The following HEATR3 variants were observed in gnomAD, a reference collection of about 807,000 sequenced individuals.
HEATR3 encodes HEAT repeat containing 3.
In HEATR3, 56 loss-of-function variants were observed where a neutral mutation model predicts 72.8. The ratio of observed to expected loss-of-function variants is 0.77; its 90% confidence interval spans 0.62 to 0.96. The LOEUF (loss-of-function observed/expected upper bound fraction) is 0.96. Ranked by LOEUF, HEATR3 falls within the 40% of genes least tolerant of loss-of-function variation. The probability of loss-of-function intolerance (pLI) is 0.00; values close to 1 mark genes in which losing one functional copy is unlikely to be tolerated. For synonymous variants in HEATR3, 331 were observed against 318.1 expected (o/e 1.04, Z -0.43); for missense variants, 747 against 831.4 (o/e 0.90, Z 1.25).
intron 11 of HEATR3, among the ~76,000 whole-genome samples, 184 bp downstream of exon 11, chr16:50,086,535 T>C (rs1342334927): frequency 1.3e-5 from 2 of 152,210 alleles, no homozygotes; most frequent in Non-Finnish European, 2.9e-5. Flanking sequence ...AAGCAGCTCC[T>C]GGGCTTATAA....
chr16:50,096,563 C>G (rs1266444210), intron 12 of HEATR3, among the ~76,000 whole-genome samples: 1 of 152,140 alleles, frequency 6.6e-6, no homozygotes, highest in African/African-American at 2.4e-5. Context: ...CTTTGGGAGG[C>G]CAAGGCCAGT....
At chr16:50,084,460 A>G in intron 9 of HEATR3, 109 bp from the exon 10 acceptor site, 4 of 1,121,718 alleles carry the variant, frequency 3.6e-6, no homozygotes, top group Non-Finnish European at 5.2e-6. Context: ...AGGTCATTCT[A>G]TATGAAGCCT....
chr16:50,105,353 T>C lies in HEATR3; in HGVS notation c.*292T>C, dbSNP rs563553280. 7.6e-4 allele frequency: 232 copies of C among 305,134 alleles called. 1 individual carries two copies. The highest frequency in any genetic ancestry group is 6.8e-3 in the South Asian group (226 of 33,338). 18.9% of individuals were successfully genotyped at this position (305,134 alleles called of 1,614,324 possible). A position where few individuals can be genotyped will look rare whatever the true frequency, so the allele number is the denominator to read the frequency against. On this transcript the variant is annotated 3_prime_UTR_variant, in exon 15 of 15. Coordinates refer to ENST00000299192, the MANE Select transcript of HEATR3 (RefSeq NM_182922.4). ...GGCACATGCCTGTGATCCCAGCTACTCGGGAGGCTGAGGGAGGAGAGTCGG... is the reference window on the plus strand; with the variant it reads ...GGCACATGCCTGTGATCCCAGCTACCCGGGAGGCTGAGGGAGGAGAGTCGG...
intron 12 of HEATR3, among the ~76,000 whole-genome samples, chr16:50,099,244 T>G (rs1321931822): frequency 6.6e-6 from 1 of 152,174 alleles, no homozygotes; most frequent in Non-Finnish European, 1.5e-5. Flanking sequence ...GTATTTTTAT[T>G]GATTTCCCCT....
intron 6 of HEATR3, among the ~76,000 whole-genome samples, chr16:50,076,975 C>G (rs1362090957): frequency 6.8e-6 from 1 of 146,798 alleles, no homozygotes; most frequent in Admixed American, 6.9e-5. Flanking sequence ...TCACGCCATT[C>G]TCCTGCCTCA....
At chr16:50,086,116 A>G (rs1442616012) in intron 10 of HEATR3, 99 bp from the exon 11 acceptor site, 58 of 1,110,874 alleles carry the variant, frequency 5.2e-5, no homozygotes, top group Non-Finnish European at 7.1e-5. Context: ...ATTTACAGAT[A>G]TTTCCAGTCA....
intron 14 of HEATR3, among the ~76,000 whole-genome samples, chr16:50,103,993 C>CTGCA (rs1464434278): frequency 3.9e-5 from 6 of 152,016 alleles, no homozygotes; most frequent in African/African-American, 1.4e-4. Flanking sequence ...GATTGCAGCA[C>CTGCA]TGCACTCCAG....
In HEATR3 at chr16:50,066,071, G is replaced by A. The variant is rs1383275407; in HGVS notation, c.-61G>A. On this transcript the variant is annotated 5_prime_UTR_variant, in exon 1 of 15. Transcript: ENST00000299192. ...AACGGACCTTGTTAACGGCGCGGCA[G>A]CCTCCACCGCCTGCTGTTGCCCTCC... The A allele has an allele frequency of 2.0e-6, 3 of 1,523,506 alleles. No individual in the cohort carries two copies. The highest frequency in any genetic ancestry group is 2.8e-5 in the African/African-American group (2 of 71,056). The allele number at this position is 1,523,506 out of a possible 1,614,324, so 94.4% of individuals were successfully genotyped here.
At chr16:50,077,255 G>A (rs182120480) in intron 6 of HEATR3, among the ~76,000 whole-genome samples, 1 of 151,720 alleles carries the variant, frequency 6.6e-6, no homozygotes, top group Non-Finnish European at 1.5e-5. Context: ...AAAGTGATTG[G>A]CCCATCTCGA....
chr16:50,094,835 G>A, intron 12 of HEATR3, 42 bp downstream of exon 12: 1 of 1,242,576 alleles, frequency 8.0e-7, no homozygotes, highest in Non-Finnish European at 1.1e-6. Context: ...TGTAAAGATT[G>A]TGTATTATGG....
At chr16:50,080,585 C>T (rs538241015) in intron 7 of HEATR3, among the ~76,000 whole-genome samples, 29 of 152,114 alleles carry the variant, frequency 1.9e-4, no homozygotes, top group African/African-American at 5.8e-4. Flanking sequence ...GGTGTCTGCC[C>T]GCCTTGGCCT....
chr16:50,066,342 T>A (rs4389139), intron 1 of HEATR3, 25 bp from the exon 2 acceptor site: 1,084,776 of 1,563,586 alleles, frequency 0.69, 381,264 homozygotes, highest in Admixed American at 0.72. Flanking sequence ...GCGCGCCTTC[T>A]GACCCTTTTC....
In HEATR3 at chr16:50,079,074, G is replaced by A. The variant is rs996815309; in HGVS notation, c.1041+56G>A. On this transcript the variant is annotated intron_variant, in intron 7 of 14. Transcript: ENST00000299192. Reference sequence around the variant, plus strand: ...TTAATACAGCTGTTTTTTTTTTCCAGCAGTTATCCTTGGCTTTGCAGAAAA... The same window carrying A: ...TTAATACAGCTGTTTTTTTTTTCCAACAGTTATCCTTGGCTTTGCAGAAAA... The A allele has an allele frequency of 3.5e-5, 52 of 1,505,692 alleles. No homozygotes were observed. The African/African-American group carries it at 6.5e-4, about 19-fold the overall frequency. 93.3% of individuals were successfully genotyped at this position (1,505,692 alleles called of 1,614,324 possible).
At chr16:50,071,441 C>T (rs1349128772) in intron 4 of HEATR3, among the ~76,000 whole-genome samples, 1 of 152,204 alleles carries the variant, frequency 6.6e-6, no homozygotes, top group Non-Finnish European at 1.5e-5. Context: ...TTTTTCTGTG[C>T]ACCAGATAAC....
chr16:50,086,913 G>A (rs759507565), intron 11 of HEATR3, among the ~76,000 whole-genome samples: 4 of 152,114 alleles, frequency 2.6e-5, no homozygotes, highest in Non-Finnish European at 5.9e-5. Flanking sequence ...TGGGCAACAA[G>A]AGCAAAACTC....
chr16:50,070,923 T>C (rs1229800550), intron 4 of HEATR3, among the ~76,000 whole-genome samples: 1 of 152,194 alleles, frequency 6.6e-6, no homozygotes, highest in Non-Finnish European at 1.5e-5. Flanking sequence ...GTCTTTAAGC[T>C]GGTCAGTCCC....
intron 11 of HEATR3, among the ~76,000 whole-genome samples, chr16:50,088,173 G>A (rs967593777): frequency 6.6e-6 from 1 of 152,182 alleles, no homozygotes; most frequent in Admixed American, 6.5e-5. Context: ...ACAAGTTTTT[G>A]TGTCAACATC....
Position 50,104,962 on chromosome 16 carries a change from CTA to C in HEATR3, c.1947_1948del (p.Tyr649Ter). ...MKIRKEGRGN[Y>X]STDQLCVLDN... ...AGATACGTAAAGAAGGGAGAGGTAA[CTA>C]TAGCACAGATCAGCTGTGTGTTCTT... On this transcript the variant is annotated frameshift_variant, in exon 15 of 15. Coordinates refer to ENST00000299192, the MANE Select transcript of HEATR3 (RefSeq NM_182922.4). LOFTEE classifies it high-confidence loss of function. The C allele has an allele frequency of 1.9e-6, 3 of 1,609,846 alleles. No individual in the cohort carries two copies. The highest frequency in any genetic ancestry group is 2.5e-6 in the Non-Finnish European group (3 of 1,179,022).
chr16:50,081,319 A>G (rs2036861011), intron 7 of HEATR3, among the ~76,000 whole-genome samples: 1 of 152,160 alleles, frequency 6.6e-6, no homozygotes, highest in Admixed American at 6.6e-5. Flanking sequence ...ATGTGCCTGT[A>G]GTCCCAGCCA....
Sources: allele counts gnomAD v4.1 joint callset (sites outside exome capture counted in the v4.1 genomes callset), GRCh38; gene constraint gnomAD v4.1.1; transcripts MANE v1.5; gene names NCBI Gene and HGNC (gene_info 2026-07-23, HGNC 2026-07-21).